Variants in GDPD5 observed in about 807,000 individuals in gnomAD.
GDPD5 encodes glycerophosphodiester phosphodiesterase domain containing 5.
A neutral mutation model predicts 75.1 loss-of-function variants in GDPD5; 48 were observed. The observed-to-expected ratio is 0.64, with a 90% CI of 0.51 to 0.81. GDPD5 has a LOEUF of 0.81. GDPD5 is among the 40% of genes least tolerant of loss of function. GDPD5 has a pLI of 0.00. For missense variants in GDPD5, 706 were observed against 822.6 expected, an observed-to-expected ratio of 0.86 and a Z score of 1.73; for synonymous variants, 336 against 339.0, an observed-to-expected ratio of 0.99 and a Z score of 0.10.
At chr11:75,480,638 G>A (rs779883558) in intron 2 of GDPD5, among the ~76,000 whole-genome samples, 1 of 152,152 alleles carries the variant, frequency 6.6e-6, no homozygotes, top group Non-Finnish European at 1.5e-5. Context: ...CTGAAGCACA[G>A]AGAGGTTGAC....
chr11:75,441,340 T>G (rs763475051), intron 13 of GDPD5, 30 bp from the exon 14 acceptor site: 3 of 1,613,218 alleles, frequency 1.9e-6, no homozygotes, highest in East Asian at 4.5e-5. Context: ...CAGGTCAGCA[T>G]GCGGACCCTG....
chr11:75,448,846 G>T, intron 9 of GDPD5, 131 bp downstream of exon 9: 2 of 1,229,700 alleles, frequency 1.6e-6, no homozygotes, highest in Non-Finnish European at 2.1e-6. Context: ...CTTTTTGCCA[G>T]TCCTTCCCAT....
intron 3 of GDPD5, among the ~76,000 whole-genome samples, chr11:75,468,973 T>G (rs567100128): frequency 6.6e-6 from 1 of 152,184 alleles, no homozygotes; most frequent in Non-Finnish European, 1.5e-5. Flanking sequence ...CGATTACAGA[T>G]GTAAGCTGTA....
In GDPD5 at chr11:75,457,800, A is replaced by T; in HGVS notation, c.222-14T>A. On this transcript the variant is annotated splice_polypyrimidine_tract_variant and intron_variant, in intron 4 of 16. Transcript: ENST00000336898. The stretch of plus-strand genomic sequence containing the variant: ...TTGTAGAGGTACCTGCCAGGAGGAG[A>T]GGGGGCAGGGGTCAGACCTCCACCA... 2 of 1,606,102 alleles carry T rather than the reference A, an allele frequency of 1.2e-6. No homozygotes were observed. Among genetic ancestry groups the T allele is most frequent in the Non-Finnish European group, 1.7e-6 (2 of 1,173,012 alleles).
intron 2 of GDPD5, among the ~76,000 whole-genome samples, chr11:75,489,881 G>A (rs769749630): frequency 1.9e-4 from 29 of 152,026 alleles, no homozygotes; most frequent in Non-Finnish European, 3.4e-4. Flanking sequence ...TGGGACTACA[G>A]GTGCATGCCA....
At chr11:75,447,850 G>A (rs1250012307) in intron 9 of GDPD5, among the ~76,000 whole-genome samples, 1 of 152,188 alleles carries the variant, frequency 6.6e-6, no homozygotes, top group Non-Finnish European at 1.5e-5. Flanking sequence ...GAGGCACAGA[G>A]GGGACTGGTG....
At chr11:75,501,377 T>C (rs1025185801) in intron 1 of GDPD5, among the ~76,000 whole-genome samples, 2 of 152,008 alleles carry the variant, frequency 1.3e-5, no homozygotes, top group African/African-American at 4.8e-5. Context: ...CAAAAAGACA[T>C]AGGGCACATA....
chr11:75,474,807 C>T (rs963688015), intron 3 of GDPD5, among the ~76,000 whole-genome samples: 4 of 152,216 alleles, frequency 2.6e-5, no homozygotes, highest in Admixed American at 6.5e-5. Context: ...GCCTGGCATT[C>T]AAGGCCACTC....
intron 1 of GDPD5, among the ~76,000 whole-genome samples, chr11:75,509,170 A>G (rs1950463860): frequency 6.6e-6 from 1 of 152,196 alleles, no homozygotes; most frequent in South Asian, 2.1e-4. Context: ...TAAACAGGAC[A>G]GACAAGTTGG....
intron 9 of GDPD5, among the ~76,000 whole-genome samples, chr11:75,447,436 G>A (rs1338186828): frequency 6.6e-6 from 1 of 152,074 alleles, no homozygotes; most frequent in African/African-American, 2.4e-5. Context: ...ACATCCTGAA[G>A]TGCCTATGGG....
At chr11:75,505,227 C>A (rs973207543) in intron 1 of GDPD5, among the ~76,000 whole-genome samples, 3 of 152,034 alleles carry the variant, frequency 2.0e-5, no homozygotes, top group African/African-American at 7.2e-5. Context: ...GAAGAGGGGG[C>A]ATTTGAGCTG....
chr11:75,496,259 G>A (rs1950206530), intron 1 of GDPD5, among the ~76,000 whole-genome samples: 1 of 152,206 alleles, frequency 6.6e-6, no homozygotes, highest in Non-Finnish European at 1.5e-5. Flanking sequence ...GTAGCCCATA[G>A]CTATTTTCCT....
At chr11:75,463,293 C>G (rs1326722669) in intron 3 of GDPD5, among the ~76,000 whole-genome samples, 1 of 152,194 alleles carries the variant, frequency 6.6e-6, no homozygotes, top group Non-Finnish European at 1.5e-5. Context: ...CACCTCTACC[C>G]CGTGCTACCG....
intron 6 of GDPD5, among the ~76,000 whole-genome samples, chr11:75,456,139 G>C (rs1007198609): frequency 2.0e-5 from 3 of 152,192 alleles, no homozygotes; most frequent in Non-Finnish European, 2.9e-5. Flanking sequence ...TGCTAAACGG[G>C]GGAAGGAGGC....
intron 9 of GDPD5, 42 bp from the exon 10 acceptor site, chr11:75,444,537 T>A (rs1948938694): frequency 7.0e-7 from 1 of 1,423,204 alleles, no homozygotes; most frequent in Admixed American, 1.7e-5. Context: ...AAGATTCAGC[T>A]GATGTACCCT....
chr11:75,515,946 A>G (rs1235345304), intron 1 of GDPD5: 1 of 152,226 alleles, frequency 6.6e-6, no homozygotes, highest in Non-Finnish European at 1.5e-5. Context: ...ATTAAGGGGT[A>G]TGGTAAAAAC....
chr11:75,506,755 T>A (rs1027538128), intron 1 of GDPD5: 4 of 152,160 alleles, frequency 2.6e-5, no homozygotes, highest in African/African-American at 9.7e-5. Context: ...CCCTTAGGCC[T>A]CCTCCAAGTC....
intron 2 of GDPD5, among the ~76,000 whole-genome samples, chr11:75,480,379 A>G (rs1226296772): frequency 6.6e-6 from 1 of 150,888 alleles, no homozygotes; most frequent in East Asian, 1.9e-4. Context: ...TGTTTTTGAG[A>G]TAAGGTCTTG....
chr11:75,503,368 G>A (rs1022332133), intron 1 of GDPD5, among the ~76,000 whole-genome samples: 2 of 152,180 alleles, frequency 1.3e-5, no homozygotes, highest in African/African-American at 2.4e-5. Context: ...CATTTGTTAC[G>A]TGACAACAGT....
Sources: allele counts gnomAD v4.1 joint callset (sites outside exome capture counted in the v4.1 genomes callset), GRCh38; gene constraint gnomAD v4.1.1; transcripts MANE v1.5; gene names NCBI Gene and HGNC (gene_info 2026-07-23, HGNC 2026-07-21).